The following BPI variants were observed in gnomAD, a reference collection of about 807,000 sequenced individuals.
BPI encodes bactericidal permeability increasing protein.
Under a neutral mutation model 57.6 loss-of-function variants are expected in BPI, and 48 were observed. The ratio of observed to expected loss-of-function variants is 0.83; its 90% CI spans 0.66 to 1.06. The LOEUF (loss-of-function observed/expected upper bound fraction) is 1.06. Ranked by LOEUF, BPI falls within the 50% of genes least tolerant of loss-of-function variation. The pLI is 0.00. For missense variants in BPI, 651 were observed against 609.7 expected, an observed-to-expected ratio of 1.07 and a Z score of -0.71; for synonymous variants, 237 against 238.2, an observed-to-expected ratio of 0.99 and a Z score of 0.05.
intron 12 of BPI, 143 bp from the exon 13 acceptor site, chr20:38,334,287 C>T: frequency 1.3e-6 from 1 of 768,906 alleles, no homozygotes; most frequent in South Asian, 1.6e-5. Flanking sequence ...CTTGCGTCCA[C>T]CTCTCAGCAG....
At chr20:38,331,150 C>T in intron 12 of BPI, 60 bp downstream of exon 12, 3 of 1,556,022 alleles carry the variant, frequency 1.9e-6, no homozygotes, top group African/African-American at 1.4e-5. Flanking sequence ...GGGAGGGGGA[C>T]ATGTCATAGG....
At chr20:38,315,336 A>G (rs971506794) in intron 5 of BPI, among the ~76,000 whole-genome samples, 4 of 152,204 alleles carry the variant, frequency 2.6e-5, no homozygotes, top group African/African-American at 9.7e-5. Flanking sequence ...TCATGATGCC[A>G]GGAGGGTCTG....
intron 5 of BPI, among the ~76,000 whole-genome samples, chr20:38,314,611 T>C (rs1321420801): frequency 6.9e-6 from 1 of 144,158 alleles, no homozygotes; most frequent in Non-Finnish European, 1.5e-5. Context: ...ATAATGGTGA[T>C]GGTGATGGTG....
At chr20:38,321,147 GGA>G (rs2076682500) in intron 7 of BPI, among the ~76,000 whole-genome samples, 2 of 99,582 alleles carry the variant, frequency 2.0e-5, no homozygotes, top group Non-Finnish European at 4.2e-5. Flanking sequence ...ATTGGTGGAT[GGA>G]TGGATGGATG....
At chr20:38,325,485 T>G (rs1221581504) in intron 9 of BPI, among the ~76,000 whole-genome samples, 5 of 152,138 alleles carry the variant, frequency 3.3e-5, no homozygotes, top group Non-Finnish European at 7.4e-5. Flanking sequence ...AATGCATGCA[T>G]GGTGGCGGGT....
Position 38,304,447 on chromosome 20 carries a change from A to G in BPI, c.130+94A>G, listed in dbSNP as rs2076587736. ...CCCCTTTAGATCCAGCACCTGGCAC[A>G]CTCATAGCACCTCAGGGCAGGTCCC... On this transcript the variant is annotated intron_variant, in intron 1 of 14. Transcript: ENST00000642449. 3 of 1,496,088 alleles carry G rather than the reference A, an allele frequency of 2.0e-6. No homozygotes were observed. The South Asian group carries it at 3.6e-5, about 18-fold the overall frequency. The allele number at this position is 1,496,088 out of a possible 1,614,324, so 92.7% of individuals were successfully genotyped here.
At chr20:38,304,395 G>C (rs996674284) in intron 1 of BPI, 42 bp downstream of exon 1, 1 of 1,604,560 alleles carries the variant, frequency 6.2e-7, no homozygotes. Context: ...CCCCTGAGGA[G>C]CACTTACTTA....
Position 38,316,822 on chromosome 20 carries a change from G to A in BPI, c.601-1591G>A, listed in dbSNP as rs182393038. Among the ~76,000 whole-genome samples, 116 of 152,328 alleles carry A rather than the reference G, an allele frequency of 7.6e-4. 2 individuals carry two copies. The highest frequency in any genetic ancestry group is 1.3e-4 in the Non-Finnish European group (9 of 68,034). On this transcript the variant is annotated intron_variant, in intron 5 of 14. Coordinates refer to ENST00000642449, the MANE Select transcript of BPI (RefSeq NM_001725.3). ...TTGGCACTTCTGAGCACAGTCCAGA[G>A]AGTGTGGGTGAGGCGCTGCAGCATC...
chr20:38,331,148 G>A (rs906678275), intron 12 of BPI, 58 bp downstream of exon 12: 24 of 1,566,148 alleles, frequency 1.5e-5, no homozygotes, highest in Non-Finnish European at 1.8e-5. Flanking sequence ...CGGGGAGGGG[G>A]ACATGTCATA....
intron 5 of BPI, chr20:38,317,660 G>C: frequency 1.3e-6 from 1 of 756,426 alleles, no homozygotes; most frequent in South Asian, 1.5e-5. Context: ...CCAGATTCTA[G>C]TGGCAAGTTC....
intron 5 of BPI, among the ~76,000 whole-genome samples, chr20:38,315,873 C>T (rs2076649638): frequency 6.8e-6 from 1 of 148,086 alleles, no homozygotes; most frequent in Non-Finnish European, 1.5e-5. Context: ...CTCTCTGTTG[C>T]CCAGGCTGGA....
At chr20:38,324,922 A>T in intron 9 of BPI, 89 bp downstream of exon 9, 1 of 1,021,232 alleles carries the variant, frequency 9.8e-7, no homozygotes, top group Non-Finnish European at 1.5e-6. Context: ...CCCTCCACCC[A>T]ACATAACACA....
intron 7 of BPI, among the ~76,000 whole-genome samples, chr20:38,320,869 G>A (rs1336739874): frequency 4.5e-5 from 6 of 133,704 alleles, no homozygotes; most frequent in Admixed American, 7.4e-5. Flanking sequence ...ATATATGGAT[G>A]GATGGGTAGG....
At chr20:38,313,581 T>C (rs185562514) in intron 5 of BPI, among the ~76,000 whole-genome samples, 23 of 152,238 alleles carry the variant, frequency 1.5e-4, no homozygotes, top group African/African-American at 5.3e-4. Flanking sequence ...TTTGGAACAA[T>C]TACAATGATT....
rs761332141 is a variant in BPI, at chr20:38,304,316, C to T, written c.93C>T (p.Gly31=). 6.8e-6 allele frequency: 11 copies of T among 1,614,082 alleles called. No homozygotes were observed. Among genetic ancestry groups the T allele is most frequent in the Middle Eastern group, 1.7e-4 (1 of 6,028 alleles). ...GTAVTAAVNP[G]VVVRISQKGL... is the part of the protein sequence containing the mutation. ...CCGTGACAGCGGCCGTCAACCCTGG[C>T]GTCGTGGTCAGGATCTCCCAGAAGG... The change falls in exon 1 of 15, where the codon GGC becomes GGT. Residue 31 remains glycine, a synonymous_variant. Transcript: ENST00000642449.
intron 13 of BPI, among the ~76,000 whole-genome samples, chr20:38,334,960 G>A (rs1224197456): frequency 3.3e-5 from 5 of 152,098 alleles, no homozygotes; most frequent in East Asian, 3.9e-4. Context: ...CAGGCAGGCC[G>A]GCCCCTGACC....
chr20:38,312,684 A>G (rs1457473454), intron 5 of BPI, among the ~76,000 whole-genome samples: 1 of 152,180 alleles, frequency 6.6e-6, no homozygotes. Flanking sequence ...AGGGGCCAGG[A>G]GTAGGAGCAA....
At chr20:38,310,345 C>G in intron 3 of BPI, 146 bp from the exon 4 acceptor site, 1 of 974,588 alleles carries the variant, frequency 1.0e-6, no homozygotes, top group Non-Finnish European at 1.5e-6. Flanking sequence ...GCTATGTGAT[C>G]TTGGGCAAGC....
In BPI at chr20:38,309,024, A is replaced by G; in HGVS notation, c.340A>G (p.Ile114Val). The stretch of plus-strand genomic sequence containing the variant: ...CTCCATCAGCAACGCCAATATCAAG[A>G]TCAGCGGGAAATGGAAGGCACAAAA... ...KFSISNANIK[I>V]SGKWKAQKRF... is the part of the protein sequence containing the mutation. The change falls in exon 3 of 15, where the codon ATC becomes GTC. Residue 114 changes from isoleucine (I) to valine (V), a missense_variant. Transcript: ENST00000642449. 6.2e-7 allele frequency: 1 copy of G among 1,614,222 alleles called. No individual in the cohort carries two copies. The highest frequency in any genetic ancestry group is 1.1e-5 in the South Asian group (1 of 91,086).
Sources: allele counts gnomAD v4.1 joint callset (sites outside exome capture counted in the v4.1 genomes callset), GRCh38; gene constraint gnomAD v4.1.1; transcripts MANE v1.5; gene names NCBI Gene and HGNC (gene_info 2026-07-23, HGNC 2026-07-21).